Variants in PITPNC1 observed in about 807,000 individuals in gnomAD.
PITPNC1 encodes phosphatidylinositol transfer protein cytoplasmic 1.
In PITPNC1, 18 loss-of-function variants were observed where a neutral mutation model predicts 44.7. The observed-to-expected ratio is 0.40, with a 90% CI of 0.28 to 0.60. The LOEUF is 0.60. Ranked by LOEUF, PITPNC1 falls within the 20% of genes least tolerant of loss-of-function variation. The pLI, the probability that PITPNC1 is intolerant of heterozygous loss-of-function variation, is 0.39. For missense variants in PITPNC1, 290 were observed against 418.4 expected (o/e 0.69, Z 2.68); for synonymous variants, 141 against 149.6 (o/e 0.94, Z 0.42).
chr17:67,425,183 T>TTGTG (rs1341858673), intron 1 of PITPNC1, among the ~76,000 whole-genome samples: 2 of 116,202 alleles, frequency 1.7e-5, no homozygotes, highest in African/African-American at 6.5e-5. Context: ...AACAGCCATG[T>TTGTG]TGTGCGCGCG....
chr17:67,691,782 G>A (rs1250955150), intron 8 of PITPNC1, among the ~76,000 whole-genome samples: 1 of 152,154 alleles, frequency 6.6e-6, no homozygotes, highest in Non-Finnish European at 1.5e-5. Flanking sequence ...TAGGCAGGCG[G>A]ATCACTTGAG....
chr17:67,602,487 G>A (rs1214724473), intron 5 of PITPNC1, among the ~76,000 whole-genome samples: 1 of 152,074 alleles, frequency 6.6e-6, no homozygotes, highest in Non-Finnish European at 1.5e-5. Context: ...GGAATGAGGA[G>A]GCTGGGCCTA....
chr17:67,513,185 G>A (rs963479058), intron 1 of PITPNC1, among the ~76,000 whole-genome samples: 1 of 151,934 alleles, frequency 6.6e-6, no homozygotes, highest in African/African-American at 2.4e-5. Flanking sequence ...TCAACAAGGC[G>A]AAACCCCATC....
intron 3 of PITPNC1, chr17:67,553,114 C>T (rs2040790011): frequency 6.6e-6 from 1 of 152,404 alleles, no homozygotes; most frequent in African/African-American, 2.4e-5. Context: ...TGACAATAAA[C>T]TCTTTGTACT....
chr17:67,465,558 G>A (rs1484767082), intron 1 of PITPNC1, among the ~76,000 whole-genome samples: 1 of 152,150 alleles, frequency 6.6e-6, no homozygotes, highest in Non-Finnish European at 1.5e-5. Flanking sequence ...CAGCTTTTTT[G>A]TGGTAGGATC....
At chr17:67,403,025 C>T (rs749455428) in intron 1 of PITPNC1, among the ~76,000 whole-genome samples, 22 of 152,230 alleles carry the variant, frequency 1.4e-4, no homozygotes, top group Non-Finnish European at 8.8e-5. Context: ...TTCTTAGCTT[C>T]GTGGCAGATG....
rs1567978458 is a variant in PITPNC1 at position 67,408,729 on chromosome 17, C to CTTTCTTTCTTT, written c.48+30527_48+30528insTTTCTTTCTTT. On this transcript the variant is annotated intron_variant, in intron 1 of 8. Coordinates refer to ENST00000581322, the MANE Select transcript of PITPNC1 (RefSeq NM_012417.4). ...TCCTTCCTTCCTTCCTTCCTTCCTT[C>CTTTCTTTCTTT]CTTTCTTTCTTTCTCTCTTTCTTTC... 481 of 131,334 alleles carry CTTTCTTTCTTT rather than the reference C, an allele frequency of 3.7e-3. 3 individuals carry two copies. Among genetic ancestry groups the CTTTCTTTCTTT allele is most frequent in the African/African-American group, 0.014 (453 of 32,900 alleles). 8.1% of individuals were successfully genotyped at this position (131,334 alleles called of 1,614,324 possible).
intron 1 of PITPNC1, among the ~76,000 whole-genome samples, chr17:67,458,159 C>T (rs1440834549): frequency 3.3e-5 from 5 of 152,294 alleles, no homozygotes; most frequent in African/African-American, 1.2e-4. Context: ...TCCATCATAC[C>T]TACACCATGG....
rs192578715 is a variant in PITPNC1, at chr17:67,693,813, G to C, written c.*925G>C. On this transcript the variant is annotated 3_prime_UTR_variant, in exon 9 of 9. Transcript: ENST00000581322. ...AGCTAACTGGGCTTTAACATGGTCA[G>C]AATGTCTGGTGCATGAACTATAAAA... 1 of 152,344 alleles carries C rather than the reference G, an allele frequency of 6.6e-6. No homozygotes were observed. Among genetic ancestry groups the C allele is most frequent in the East Asian group, 1.9e-4 (1 of 5,184 alleles). 9.4% of individuals were successfully genotyped at this position (152,344 alleles called of 1,614,324 possible).
At chr17:67,624,627 G>A (rs2041874040) in intron 5 of PITPNC1, among the ~76,000 whole-genome samples, 1 of 152,024 alleles carries the variant, frequency 6.6e-6, no homozygotes, top group African/African-American at 2.4e-5. Flanking sequence ...GGATTTAAGT[G>A]ATTCTCCTGC....
At chr17:67,586,831 GAGAATT>G (rs1479340013) in intron 5 of PITPNC1, among the ~76,000 whole-genome samples, 1 of 152,202 alleles carries the variant, frequency 6.6e-6, no homozygotes, top group Non-Finnish European at 1.5e-5. Context: ...CTGTTCTGTG[GAGAATT>G]AGTGAAAGGC....
chr17:67,414,179 CAAGT>C (rs1294031405), intron 1 of PITPNC1, among the ~76,000 whole-genome samples: 1 of 151,648 alleles, frequency 6.6e-6, no homozygotes, highest in East Asian at 1.9e-4. Flanking sequence ...AAACCATGGC[CAAGT>C]AAGAGGCACT....
intron 3 of PITPNC1, chr17:67,553,084 C>T (rs1296731848): frequency 6.6e-6 from 1 of 152,210 alleles, no homozygotes; most frequent in Non-Finnish European, 1.5e-5. Context: ...AGGTCAGTCT[C>T]CCTCTCACTT....
rs371283213 is a variant in PITPNC1, at chr17:67,425,394, CT to C, written c.48+47201del. Among the ~76,000 whole-genome samples the C allele has an allele frequency of 1.8e-3, 269 of 151,324 alleles. 1 individual carries two copies. Among genetic ancestry groups the C allele is most frequent in the African/African-American group, 5.8e-3 (241 of 41,250 alleles). On this transcript the variant is annotated intron_variant, in intron 1 of 8. Transcript: ENST00000581322. ...CTTGCTATGGGCAAGGGTTGACAAA[CT>C]TTTTTTTTCTTTTCTTTCTTCTTCC...
In PITPNC1 at chr17:67,378,187, G is replaced by A. The variant is rs1428936374; in HGVS notation, c.33G>A (p.Pro11=). The A allele has an allele frequency of 1.3e-6, 2 of 1,545,266 alleles. No homozygotes were observed. The highest frequency in any genetic ancestry group is 1.7e-6 in the Non-Finnish European group (2 of 1,150,002). MLLKEYRICM[P]LTVDEYKIGQ... is the part of the protein sequence containing the mutation. Reference sequence around the variant, plus strand: ...TGAAAGAGTACCGGATCTGCATGCCGCTCACCGTAGACGAGGTAAGCGCCG... The same window carrying A: ...TGAAAGAGTACCGGATCTGCATGCCACTCACCGTAGACGAGGTAAGCGCCG... The change falls in exon 1 of 9, where the codon CCG becomes CCA. Residue 11 remains proline, a synonymous_variant. Coordinates refer to ENST00000581322, the MANE Select transcript of PITPNC1 (RefSeq NM_012417.4).
At chr17:67,378,276 C>A in intron 1 of PITPNC1, 74 bp downstream of exon 1, 6 of 1,027,960 alleles carry the variant, frequency 5.8e-6, no homozygotes, top group Non-Finnish European at 6.7e-6. Context: ...GGCCGGCGAG[C>A]CCCGGGCGAG....
At chr17:67,536,682 T>C (rs542115346) in intron 2 of PITPNC1, among the ~76,000 whole-genome samples, 1 of 152,012 alleles carries the variant, frequency 6.6e-6, no homozygotes, top group Non-Finnish European at 1.5e-5. Flanking sequence ...GCATGATAAA[T>C]AGAAAACACA....
chr17:67,410,426 G>A (rs1013144294), intron 1 of PITPNC1, among the ~76,000 whole-genome samples: 5 of 152,116 alleles, frequency 3.3e-5, no homozygotes, highest in Middle Eastern at 3.2e-3. Context: ...TCACCCAGGC[G>A]GGAGTGCGGT....
At chr17:67,520,286 G>A (rs1030475481) in intron 1 of PITPNC1, among the ~76,000 whole-genome samples, 2 of 152,138 alleles carry the variant, frequency 1.3e-5, no homozygotes, top group African/African-American at 4.8e-5. Flanking sequence ...AGATGACAAA[G>A]AGGTCACAAG....
Sources: allele counts gnomAD v4.1 joint callset (sites outside exome capture counted in the v4.1 genomes callset), GRCh38; gene constraint gnomAD v4.1.1; transcripts MANE v1.5; gene names NCBI Gene and HGNC (gene_info 2026-07-23, HGNC 2026-07-21).